Variants in BBS12 observed in about 807,000 individuals in gnomAD.
The protein encoded by BBS12 is Bardet-Biedl syndrome 12.
Under a neutral mutation model 5.6 loss-of-function variants are expected in BBS12, and 5 were observed. The ratio of observed to expected loss-of-function variants is 0.89; its 90% CI spans 0.46 to 1.86. BBS12 has a LOEUF of 1.86. BBS12 is among the 40% of genes most tolerant of loss of function. The pLI is 0.01. For missense variants in BBS12, 748 were observed against 830.4 expected (o/e 0.90, Z 1.22); for synonymous variants, 308 against 306.8 (o/e 1.00, Z -0.04).
chr4:122,742,672 C>T lies in BBS12; in HGVS notation c.780C>T (p.His260=), dbSNP rs1424140560. Residue 260 remains histidine, a synonymous_variant, in exon 2 of 2, where the codon CAC becomes CAT. Coordinates refer to ENST00000314218, the MANE Select transcript of BBS12 (RefSeq NM_152618.3). The part of the protein sequence containing the change: ...DGFQEHVTAT[H]KTYRCNDLVE... ...TTCAAGAACATGTTACAGCTACTCA[C>T]AAAACTTACAGATGTAATGATTTGG... 6.2e-7 allele frequency: 1 copy of T among 1,614,086 alleles called. No individual in the cohort carries two copies. Among genetic ancestry groups the T allele is most frequent in the Non-Finnish European group, 8.5e-7 (1 of 1,180,056 alleles).
chr4:122,723,422 A>T, the BBS12 span, among the ~76,000 whole-genome samples: 3 of 152,218 alleles, frequency 2.0e-5, no homozygotes, highest in African/African-American at 7.2e-5. Flanking sequence ...TAATTACAGA[A>T]GCATTTAGCT....
the BBS12 span, among the ~76,000 whole-genome samples, chr4:122,712,237 G>A: frequency 2.6e-5 from 4 of 152,136 alleles, no homozygotes; most frequent in Non-Finnish European, 5.9e-5. Flanking sequence ...TACTGATAAG[G>A]CTCCTTCCTC....
rs868789370 is a variant in BBS12 at position 122,742,286 on chromosome 4, G to A, written c.394G>A (p.Val132Ile). The A allele has an allele frequency of 1.2e-6, 2 of 1,613,864 alleles. No homozygotes were observed. Among genetic ancestry groups the A allele is most frequent in the African/African-American group, 2.7e-5 (2 of 74,996 alleles). ...FCSEEVVSLH[V>I]PVHNIFDCMD... ...TAGTGAAGAGGTAGTTTCTCTTCAT[G>A]TACCTGTTCACAATATATTTGACTG... Residue 132 changes from valine to isoleucine, a missense_variant, in exon 2 of 2, where the codon GTA (valine) becomes ATA (isoleucine). Transcript: ENST00000314218.
chr4:122,741,902 G>A lies in BBS12; in HGVS notation c.10G>A (p.Ala4Thr), dbSNP rs1011357528. 1.2e-6 allele frequency: 2 copies of A among 1,613,910 alleles called. No individual in the cohort carries two copies. The highest frequency in any genetic ancestry group is 1.3e-5 in the African/African-American group (1 of 74,906). Residue 4 changes from alanine (A) to threonine (T), a missense_variant, in exon 2 of 2, where the codon GCT becomes ACT. Coordinates refer to ENST00000314218, the MANE Select transcript of BBS12 (RefSeq NM_152618.3). MVM[A>T]CRVVNKRRHM... ...TTGCAGATCATGATACATGGTGATG[G>A]CTTGCAGAGTCGTAAACAAAAGAAG...
chr4:122,738,291 G>C (rs1800816240), intron 1 of BBS12, among the ~76,000 whole-genome samples: 1 of 152,006 alleles, frequency 6.6e-6, no homozygotes, highest in Non-Finnish European at 1.5e-5. Flanking sequence ...GCTCACTGCA[G>C]GCTCCACCTC....
At chr4:122,706,863 A>G in the BBS12 span, among the ~76,000 whole-genome samples, 1 of 152,202 alleles carries the variant, frequency 6.6e-6, no homozygotes, top group Admixed American at 6.6e-5. Context: ...ATAAACGTGC[A>G]TTAACTTATT....
At chr4:122,722,662 G>A in the BBS12 span, among the ~76,000 whole-genome samples, 1 of 151,950 alleles carries the variant, frequency 6.6e-6, no homozygotes, top group Non-Finnish European at 1.5e-5. Flanking sequence ...CAATGTTATG[G>A]TCTCTTTATT....
At chr4:122,737,269 A>G (rs1800795966) in intron 1 of BBS12, among the ~76,000 whole-genome samples, 1 of 152,222 alleles carries the variant, frequency 6.6e-6, no homozygotes, top group Non-Finnish European at 1.5e-5. Flanking sequence ...AAACACAGTA[A>G]AAGATTCTAA....
chr4:122,738,828 T>C lies in BBS12; in HGVS notation c.-10-3055T>C, dbSNP rs144383452. ...CACTTCACATTCACTAGGATATCTA[T>C]AATATTACAAAATATTACAAAAGCA... On this transcript the variant is annotated intron_variant, in intron 1 of 1. Coordinates refer to ENST00000314218, the MANE Select transcript of BBS12 (RefSeq NM_152618.3). Among the ~76,000 whole-genome samples the C allele has an allele frequency of 2.8e-3, 427 of 152,350 alleles. 3 individuals carry two copies. Among genetic ancestry groups the C allele is most frequent in the Middle Eastern group, 0.01 (3 of 294 alleles).
At chr4:122,708,869 CAATT>C in the BBS12 span, among the ~76,000 whole-genome samples, 36,581 of 151,712 alleles carry the variant, frequency 0.24, 4,613 homozygotes, top group South Asian at 0.39. Flanking sequence ...AAAAAGCTGT[CAATT>C]AATAAATATG....
chr4:122,713,001 A>AT, the BBS12 span, among the ~76,000 whole-genome samples: 1,546 of 152,302 alleles, frequency 0.01, 15 homozygotes, highest in Non-Finnish European at 0.018. Flanking sequence ...GATGGGTCTC[A>AT]TTGAAACATG....
intron 1 of BBS12, among the ~76,000 whole-genome samples, chr4:122,739,668 C>T (rs567288172): frequency 6.6e-6 from 1 of 152,360 alleles, no homozygotes; most frequent in African/African-American, 2.4e-5. Context: ...CAGAGCAGCC[C>T]ATGTAGACAG....
At chr4:122,725,345 A>G in the BBS12 span, among the ~76,000 whole-genome samples, 2 of 152,312 alleles carry the variant, frequency 1.3e-5, no homozygotes, top group Admixed American at 1.3e-4. Flanking sequence ...GAGGCATCAC[A>G]TTACTGGATT....
At chr4:122,717,170 T>C in the BBS12 span, among the ~76,000 whole-genome samples, 6 of 152,138 alleles carry the variant, frequency 3.9e-5, no homozygotes, top group African/African-American at 1.4e-4. Context: ...ATTTAACAAA[T>C]AGCTAAACTT....
chr4:122,718,688 A>G, the BBS12 span, among the ~76,000 whole-genome samples: 1 of 150,262 alleles, frequency 6.7e-6, no homozygotes, highest in Non-Finnish European at 1.5e-5. Flanking sequence ...AGAGGAAAAA[A>G]ATTATAGAGA....
chr4:122,719,405 G>A, the BBS12 span, among the ~76,000 whole-genome samples: 176 of 152,172 alleles, frequency 1.2e-3, 1 homozygote, highest in African/African-American at 4.1e-3. Context: ...CGGCTTCCAC[G>A]TCGTGGAAGC....
the BBS12 span, among the ~76,000 whole-genome samples, chr4:122,716,122 A>G: frequency 6.6e-6 from 1 of 152,196 alleles, no homozygotes; most frequent in African/African-American, 2.4e-5. Flanking sequence ...GTTGTATTAT[A>G]GAATGCTTAT....
At chr4:122,727,137 A>G in the BBS12 span, among the ~76,000 whole-genome samples, 1 of 152,258 alleles carries the variant, frequency 6.6e-6, no homozygotes, top group Non-Finnish European at 1.5e-5. Context: ...CTGAAACACA[A>G]TGCAAATCAA....
intron 1 of BBS12, among the ~76,000 whole-genome samples, chr4:122,740,258 C>A (rs1800847367): frequency 6.6e-6 from 1 of 152,114 alleles, no homozygotes; most frequent in South Asian, 2.1e-4. Flanking sequence ...CAGAGCGAGA[C>A]CCTGTCTAAA....
Sources: allele counts gnomAD v4.1 joint callset (sites outside exome capture counted in the v4.1 genomes callset), GRCh38; gene constraint gnomAD v4.1.1; transcripts MANE v1.5; gene names NCBI Gene and HGNC (gene_info 2026-07-23, HGNC 2026-07-21).